PCSK2: variants seen among roughly 807,000 people sequenced by gnomAD.
PCSK2 encodes proprotein convertase subtilisin/kexin type 2, also known as neuroendocrine convertase 2.
A neutral mutation model predicts 69.7 loss-of-function variants in PCSK2; 14 were observed. That is an observed-to-expected ratio of 0.20 (90% confidence interval 0.13 to 0.31). The LOEUF (loss-of-function observed/expected upper bound fraction) is 0.31. PCSK2 is among the 10% of genes least tolerant of loss of function. The probability of loss-of-function intolerance (pLI) is 1.00; values close to 1 mark genes in which losing one functional copy is unlikely to be tolerated. For synonymous variants in PCSK2, 307 were observed against 320.7 expected (o/e 0.96, Z 0.46); for missense variants, 544 against 842.5 (o/e 0.65, Z 4.39).
intron 2 of PCSK2, among the ~76,000 whole-genome samples, chr20:17,269,916 T>C (rs567628105): frequency 2.6e-5 from 4 of 152,286 alleles, no homozygotes; most frequent in African/African-American, 9.6e-5. Flanking sequence ...TAAGTTGTTG[T>C]TGATTTAATT....
At chr20:17,324,413 G>A (rs6080638) in intron 2 of PCSK2, among the ~76,000 whole-genome samples, 2 of 152,094 alleles carry the variant, frequency 1.3e-5, no homozygotes, top group Non-Finnish European at 2.9e-5. Flanking sequence ...AGGGTTCTTA[G>A]GTTTAACAAC....
At chr20:17,417,330 C>T (rs1481233350) in intron 6 of PCSK2, among the ~76,000 whole-genome samples, 1 of 149,860 alleles carries the variant, frequency 6.7e-6, no homozygotes, top group East Asian at 1.9e-4. Context: ...TCATCATTGT[C>T]AGCGGTAAGA....
intron 6 of PCSK2, among the ~76,000 whole-genome samples, chr20:17,426,491 A>C (rs143900780): frequency 6.6e-6 from 1 of 152,268 alleles, no homozygotes; most frequent in African/African-American, 2.4e-5. Context: ...TTACTTAGTT[A>C]CTTTTTGTTT....
intron 8 of PCSK2, among the ~76,000 whole-genome samples, chr20:17,452,389 G>A (rs899590397): frequency 5.9e-5 from 9 of 152,164 alleles, no homozygotes; most frequent in Non-Finnish European, 1.2e-4. Flanking sequence ...TTCACTTGTC[G>A]ATTCAATCAA....
At chr20:17,481,540 C>T (rs1272441674) in intron 11 of PCSK2, 44 bp from the exon 12 acceptor site, 2 of 1,580,426 alleles carry the variant, frequency 1.3e-6, no homozygotes, top group South Asian at 2.4e-5. Flanking sequence ...TTGTAAGGTG[C>T]ACCCACCACT....
At chr20:17,377,255 C>T (rs986216995) in intron 5 of PCSK2, among the ~76,000 whole-genome samples, 1 of 152,142 alleles carries the variant, frequency 6.6e-6, no homozygotes, top group Non-Finnish European at 1.5e-5. Context: ...TATTTATGTT[C>T]CAGGGTTGCT....
intron 2 of PCSK2, among the ~76,000 whole-genome samples, chr20:17,262,125 T>TGGGAC (rs1987412304): frequency 6.6e-6 from 1 of 152,226 alleles, no homozygotes; most frequent in African/African-American, 2.4e-5. Flanking sequence ...AAATATAAAA[T>TGGGAC]GGGACTAATT....
intron 2 of PCSK2, among the ~76,000 whole-genome samples, chr20:17,306,928 C>A (rs956437131): frequency 1.3e-5 from 2 of 152,144 alleles, no homozygotes; most frequent in African/African-American, 4.8e-5. Flanking sequence ...TCATGCATCT[C>A]TCATTTAGAT....
At chr20:17,264,580 A>G (rs966225101) in intron 2 of PCSK2, among the ~76,000 whole-genome samples, 8 of 152,196 alleles carry the variant, frequency 5.3e-5, no homozygotes, top group Admixed American at 2.0e-4. Flanking sequence ...ATTCTTGAAT[A>G]TATCTGTGGA....
intron 5 of PCSK2, among the ~76,000 whole-genome samples, chr20:17,389,127 A>G (rs1456219175): frequency 6.6e-6 from 1 of 152,130 alleles, no homozygotes; most frequent in East Asian, 1.9e-4. Context: ...CACTATTTTA[A>G]TAGGTAGTTT....
At chr20:17,298,054 C>T (rs994184814) in intron 2 of PCSK2, among the ~76,000 whole-genome samples, 35 of 152,066 alleles carry the variant, frequency 2.3e-4, no homozygotes, top group Non-Finnish European at 1.6e-4. Flanking sequence ...CTTCCTCTTA[C>T]GCTTTGAAAA....
At chr20:17,476,841 A>G (rs942624437) in intron 11 of PCSK2, among the ~76,000 whole-genome samples, 3 of 152,204 alleles carry the variant, frequency 2.0e-5, no homozygotes, top group African/African-American at 7.2e-5. Context: ...AATCCAGGTT[A>G]TGGCCCTCAT....
intron 2 of PCSK2, among the ~76,000 whole-genome samples, chr20:17,272,910 C>A (rs568905393): frequency 6.6e-6 from 1 of 152,218 alleles, no homozygotes; most frequent in Non-Finnish European, 1.5e-5. Context: ...TGCCATGGAA[C>A]AATCTAATTT....
chr20:17,471,169 G>A (rs535074135), intron 11 of PCSK2, among the ~76,000 whole-genome samples: 2 of 152,206 alleles, frequency 1.3e-5, no homozygotes, highest in East Asian at 1.9e-4. Flanking sequence ...TGAGATGAAC[G>A]GCAGTTTATC....
chr20:17,263,421 T>C (rs949269451), intron 2 of PCSK2, among the ~76,000 whole-genome samples: 2 of 152,256 alleles, frequency 1.3e-5, no homozygotes, highest in African/African-American at 4.8e-5. Flanking sequence ...AGTATCATCA[T>C]TTAGATGCTA....
At chr20:17,394,422 T>A (rs150785136) in intron 5 of PCSK2, among the ~76,000 whole-genome samples, 3 of 152,236 alleles carry the variant, frequency 2.0e-5, no homozygotes, top group East Asian at 3.9e-4. Flanking sequence ...CAGCAGAGTG[T>A]CATGTGGGAA....
At chr20:17,331,976 T>C in intron 2 of PCSK2, among the ~76,000 whole-genome samples, 1 of 152,222 alleles carries the variant, frequency 6.6e-6, no homozygotes, top group East Asian at 1.9e-4. Flanking sequence ...GTCTAGGCAC[T>C]GGTTATAATA....
Position 17,453,689 on chromosome 20 carries a change from C to T in PCSK2, c.886-53C>T, listed in dbSNP as rs917560088. 5.6e-6 allele frequency: 9 copies of T among 1,599,748 alleles called. No homozygotes were observed. The South Asian group carries it at 8.8e-5, about 16-fold the overall frequency. ...CCCCTGGGCTGGAGACCTCCCCTGC[C>T]CCCTCGCAGCCCAGGCTGTGGGTAG... is the stretch of plus-strand genomic sequence containing the variant. On this transcript the variant is annotated intron_variant, in intron 8 of 11. Transcript: ENST00000262545. The surrounding 1 kb of genome is among the most constrained non-coding windows in gnomAD (Gnocchi z 4.0).
At chr20:17,237,255 TGAA>T (rs979589792) in intron 1 of PCSK2, among the ~76,000 whole-genome samples, 1 of 152,174 alleles carries the variant, frequency 6.6e-6, no homozygotes, top group African/African-American at 2.4e-5. Context: ...CAGATAATGA[TGAA>T]GTTCATGGAA....
Sources: allele counts gnomAD v4.1 joint callset (sites outside exome capture counted in the v4.1 genomes callset), GRCh38; gene constraint gnomAD v4.1.1; non-coding constraint Gnocchi (gnomAD v3.1); transcripts MANE v1.5; gene names NCBI Gene and HGNC (gene_info 2026-07-23, HGNC 2026-07-21).